The following NELFA variants were observed in gnomAD, a reference collection of about 807,000 sequenced individuals.
The protein encoded by NELFA is negative elongation factor complex member A, also known as negative elongation factor A.
In NELFA, 35 loss-of-function variants were observed where a neutral mutation model predicts 51.8. The ratio of observed to expected loss-of-function variants is 0.68; its 90% confidence interval spans 0.52 to 0.90. The LOEUF (loss-of-function observed/expected upper bound fraction) is 0.90, where lower values mean the gene tolerates loss of function less well. NELFA is among the 40% of genes least tolerant of loss of function. The pLI, the probability that NELFA is intolerant of heterozygous loss-of-function variation, is 0.00. For missense variants in NELFA, 658 were observed against 746.4 expected, an observed-to-expected ratio of 0.88 and a Z score of 1.38; for synonymous variants, 417 against 338.4, an observed-to-expected ratio of 1.23 and a Z score of -2.55.
chr4:1,987,104 T>C (rs1728129031), intron 4 of NELFA, among the ~76,000 whole-genome samples: 1 of 151,970 alleles, frequency 6.6e-6, no homozygotes, highest in South Asian at 2.1e-4. Context: ...ACAGCGACAA[T>C]AGTCAGCAGA....
intron 1 of NELFA, among the ~76,000 whole-genome samples, chr4:2,001,138 G>A (rs1466173844): frequency 2.0e-5 from 3 of 152,156 alleles, no homozygotes. Context: ...TTAATGGAAC[G>A]TATCTCAAAA....
chr4:1,984,011 C>T lies in NELFA; in HGVS notation c.1139G>A (p.Gly380Asp). The change falls in exon 9 of 11, where the codon GGC becomes GAC. Residue 380 changes from glycine to aspartate, a missense_variant. Coordinates refer to ENST00000382882, the MANE Select transcript of NELFA (RefSeq NM_005663.5). ...AGGCGTGGGTGTGGCAGGGCTCAGG[C>T]CGCTGTTGTACATGGGCGCCCGCTG... ...FKQRAPMYNS[G>D]LSPATPTPAA... 1 of 1,608,772 alleles carries T rather than the reference C, an allele frequency of 6.2e-7. No individual in the cohort carries two copies. Among genetic ancestry groups the T allele is most frequent in the Non-Finnish European group, 8.5e-7 (1 of 1,179,568 alleles).
At chr4:1,999,129 C>T (rs544482418) in intron 1 of NELFA, among the ~76,000 whole-genome samples, 11 of 151,788 alleles carry the variant, frequency 7.2e-5, no homozygotes, top group African/African-American at 1.9e-4. Context: ...AGCCCCGCCC[C>T]GGAAGAACTC....
Position 1,984,909 on chromosome 4 carries a change from G to T in NELFA, c.935C>A (p.Ser312Tyr). The T allele has an allele frequency of 1.3e-6, 2 of 1,572,964 alleles. No individual in the cohort carries two copies. The highest frequency in any genetic ancestry group is 1.7e-6 in the Non-Finnish European group (2 of 1,158,148). ...AGLVSTQKLG[S>Y]LNNEPALPST... The stretch of plus-strand genomic sequence containing the variant: ...GGGCAGCGCAGGCTCATTGTTCAGG[G>T]ACCCAAGTTTCTGGAACACAGAGTT... The change falls in exon 8 of 11, where the codon TCC (serine) becomes TAC (tyrosine). Residue 312 changes from serine to tyrosine, a missense_variant. Ser to Tyr is a moderately radical substitution (Grantham distance 144). This residue lies in a region of NELFA where 371 missense variants were observed against 448.3 expected (regional missense o/e 0.83). Transcript: ENST00000382882.
At position 1,985,791 on chromosome 4, in the gene NELFA, G is replaced by A. The variant is rs762557178; in HGVS notation, c.909C>T (p.Gly303=). ...CGAGCCCTACCTGCGTGGACACCAG[G>A]CCGGCTGCGTAGTCCGGGGTGGCGT... ...VENATPDYAA[G]LVSTQKLGSL... The change falls in exon 7 of 11, where the codon GGC becomes GGT. Residue 303 remains glycine, a synonymous_variant. Coordinates refer to ENST00000382882, the MANE Select transcript of NELFA (RefSeq NM_005663.5). The A allele has an allele frequency of 3.7e-6, 6 of 1,613,082 alleles. No homozygotes were observed. Among genetic ancestry groups the A allele is most frequent in the Non-Finnish European group, 4.2e-6 (5 of 1,179,718 alleles).
intron 1 of NELFA, chr4:1,992,313 G>A (rs1728295719): frequency 4.1e-6 from 1 of 245,542 alleles, no homozygotes; most frequent in Admixed American, 6.1e-5. Context: ...CCTGGAGGTG[G>A]CCCCGGGATC....
intron 7 of NELFA, 25 bp from the exon 8 acceptor site, chr4:1,984,944 T>C: frequency 1.3e-6 from 2 of 1,515,854 alleles, no homozygotes; most frequent in Non-Finnish European, 1.8e-6. Flanking sequence ...TTAAGGTTCC[T>C]TCCAGAAGAG....
intron 2 of NELFA, among the ~76,000 whole-genome samples, chr4:1,990,705 G>A (rs1728246536): frequency 6.6e-6 from 1 of 152,262 alleles, no homozygotes; most frequent in Admixed American, 6.5e-5. Context: ...TTTGGGCTCT[G>A]AGGAGCCAGT....
intron 2 of NELFA, 123 bp downstream of exon 2, chr4:1,991,421 T>G: frequency 9.9e-7 from 1 of 1,012,350 alleles, no homozygotes. Flanking sequence ...ACAGTTAATA[T>G]TCTAGGGACC....
chr4:2,001,773 C>G lies in NELFA; in HGVS notation c.210+6977G>C, dbSNP rs1430506951. 2.6e-5 allele frequency among the ~76,000 whole-genome samples: 4 copies of G among 152,008 alleles called. No individual in the cohort carries two copies. In the East Asian group the frequency reaches 7.8e-4, roughly 30 times the overall value. On this transcript the variant is annotated intron_variant, in intron 1 of 10. Transcript: ENST00000382882. Reference sequence around the variant, plus strand: ...CACAAATTAGCCGGGCGTGGTGGCACAAGCCTGTAATCCCAGCTACTCGGG... The same window carrying G: ...CACAAATTAGCCGGGCGTGGTGGCAGAAGCCTGTAATCCCAGCTACTCGGG...
intron 3 of NELFA, among the ~76,000 whole-genome samples, chr4:1,988,946 GTTT>G (rs35323893): frequency 1.5e-5 from 2 of 136,676 alleles, no homozygotes; most frequent in East Asian, 2.1e-4. Context: ...AAGTTGGTGG[GTTT>G]TTTTTTTTTT....
intron 3 of NELFA, among the ~76,000 whole-genome samples, chr4:1,988,964 A>C (rs1242608294): frequency 1.3e-5 from 1 of 75,530 alleles, no homozygotes; most frequent in Non-Finnish European, 2.8e-5. Flanking sequence ...TTTTTTTTTG[A>C]GATGTTGTTT....
At position 1,983,137 on chromosome 4, in the gene NELFA, T is replaced by G. The variant is rs192734720; in HGVS notation, c.*182A>C. 1.4e-5 allele frequency: 7 copies of G among 516,692 alleles called. No individual in the cohort carries two copies. In the Admixed American group the frequency reaches 2.6e-4, roughly 19 times the overall value. The allele number at this position is 516,692 out of a possible 1,614,324, so 32.0% of individuals were successfully genotyped here. A position where few individuals can be genotyped will look rare whatever the true frequency, so the allele number is the denominator to read the frequency against. On this transcript the variant is annotated 3_prime_UTR_variant, in exon 11 of 11. Transcript: ENST00000382882. Reference sequence around the variant, plus strand: ...CAAAAAAGAACCCATATTAAAATTTTAAAAATAAGCCCCAAATACCCCAGA... The same window carrying G: ...CAAAAAAGAACCCATATTAAAATTTGAAAAATAAGCCCCAAATACCCCAGA...
intron 2 of NELFA, chr4:1,990,470 T>C (rs1466262170): frequency 8.8e-6 from 4 of 456,600 alleles, no homozygotes; most frequent in African/African-American, 6.0e-5. Flanking sequence ...TCAGCCTTCC[T>C]GCCCGCGGGA....
Position 2,002,253 on chromosome 4 carries a change from C to G in NELFA, c.210+6497G>C, listed in dbSNP as rs375185337. Among the ~76,000 whole-genome samples, 176 of 152,262 alleles carry G rather than the reference C, an allele frequency of 1.2e-3. 1 individual carries two copies. The highest frequency in any genetic ancestry group is 4.2e-3 in the African/African-American group (173 of 41,550). The stretch of plus-strand genomic sequence containing the variant: ...GAGAGTACACAAACAAATGGAAAAG[C>G]ATTCCATCCTCGTGGATAGGAAGAA... On this transcript the variant is annotated intron_variant, in intron 1 of 10. Coordinates refer to ENST00000382882, the MANE Select transcript of NELFA (RefSeq NM_005663.5).
chr4:2,003,978 C>G (rs231192), intron 1 of NELFA: 12 of 151,750 alleles, frequency 7.9e-5, no homozygotes, highest in East Asian at 3.9e-4. Flanking sequence ...CGGTGAAACC[C>G]CGTCTCCACT....
intron 1 of NELFA, chr4:1,992,513 C>T: frequency 2.4e-6 from 1 of 421,444 alleles, no homozygotes; most frequent in Non-Finnish European, 4.8e-6. Flanking sequence ...TGCCATGCGC[C>T]CACTGGGCTG....
rs747416728 is a variant in NELFA, at chr4:1,986,499, G to A, written c.635-97C>T. 49 of 1,567,092 alleles carry A rather than the reference G, an allele frequency of 3.1e-5. No individual in the cohort carries two copies. In the Admixed American group the frequency reaches 3.4e-4, roughly 11 times the overall value. Reference sequence around the variant, plus strand: ...TCCCACCCTCTTCTAGGCTAGCGCCGCAGAGGGGAAGGGCCAAACCCCTGG... The same window carrying A: ...TCCCACCCTCTTCTAGGCTAGCGCCACAGAGGGGAAGGGCCAAACCCCTGG... On this transcript the variant is annotated intron_variant, in intron 4 of 10. Coordinates refer to ENST00000382882, the MANE Select transcript of NELFA (RefSeq NM_005663.5).
At chr4:1,987,686 G>A (rs1728147446) in intron 4 of NELFA, 2 of 547,260 alleles carry the variant, frequency 3.7e-6, no homozygotes, top group Non-Finnish European at 6.4e-6. Flanking sequence ...GCCCAGCACT[G>A]TCCTCAGATC....
Sources: allele counts gnomAD v4.1 joint callset (sites outside exome capture counted in the v4.1 genomes callset), GRCh38; gene constraint gnomAD v4.1.1; regional missense constraint gnomAD v4.1.1; transcripts MANE v1.5; gene names NCBI Gene and HGNC (gene_info 2026-07-23, HGNC 2026-07-21).